The following DGKH variants were observed in gnomAD, a reference collection of about 807,000 sequenced individuals.
DGKH encodes DAG kinase eta.
Under a neutral mutation model 159.3 loss-of-function variants are expected in DGKH, and 90 were observed. That is an observed-to-expected ratio of 0.57 (90% CI 0.48 to 0.67). The LOEUF (loss-of-function observed/expected upper bound fraction) is 0.67. Among genes scored for constraint, DGKH ranks in the 30% least tolerant of loss-of-function variants. DGKH has a pLI of 0.00. For missense variants in DGKH, 1,181 were observed against 1,506.1 expected, an observed-to-expected ratio of 0.78 and a Z score of 3.57; for synonymous variants, 536 against 553.8, an observed-to-expected ratio of 0.97 and a Z score of 0.45.
intron 5 of DGKH, among the ~76,000 whole-genome samples, chr13:42,158,633 C>T (rs1256994553): frequency 6.6e-6 from 1 of 152,050 alleles, no homozygotes; most frequent in African/African-American, 2.4e-5. Flanking sequence ...CTTCATCATC[C>T]CTTCTTTCTA....
At chr13:42,040,469 T>G (rs1880415681) in intron 1 of DGKH, among the ~76,000 whole-genome samples, 1 of 149,310 alleles carries the variant, frequency 6.7e-6, no homozygotes. Flanking sequence ...GGGGGTCACG[T>G]GTGTCCCGGG....
intron 16 of DGKH, among the ~76,000 whole-genome samples, chr13:42,192,695 C>A (rs4941419): frequency 0.13 from 19,209 of 151,634 alleles, 1,610 homozygotes; most frequent in Admixed American, 0.22. Flanking sequence ...TTTAATGATA[C>A]CAAAAACAGC....
rs779247264 is a variant in DGKH, at chr13:42,198,446, G to A, written c.2168-32G>A. On this transcript the variant is annotated intron_variant, in intron 17 of 29. Coordinates refer to ENST00000337343, the MANE Select transcript of DGKH (RefSeq NM_178009.5). ...TTCTTTCTGTGTTTTTTCTTAACATGCGATCCCATATGTGTTTGCTTTTCT... is the reference window on the plus strand; with the variant it reads ...TTCTTTCTGTGTTTTTTCTTAACATACGATCCCATATGTGTTTGCTTTTCT... The A allele has an allele frequency of 5.7e-6, 9 of 1,578,532 alleles. No individual in the cohort carries two copies. In the Admixed American group the frequency reaches 6.9e-5, roughly 12 times the overall value.
intron 1 of DGKH, among the ~76,000 whole-genome samples, chr13:42,106,597 T>C (rs1209899437): frequency 6.6e-6 from 1 of 152,172 alleles, no homozygotes; most frequent in Non-Finnish European, 1.5e-5. Flanking sequence ...GATGAAGAAA[T>C]AAAGTAATTT....
At chr13:42,070,391 C>CTTT in intron 1 of DGKH, 2 of 1,413,010 alleles carry the variant, frequency 1.4e-6, no homozygotes. Flanking sequence ...TCATGTGCAC[C>CTTT]TGCAAAAAGG....
intron 23 of DGKH, among the ~76,000 whole-genome samples, chr13:42,209,889 T>C (rs1158281903): frequency 6.6e-6 from 1 of 152,080 alleles, no homozygotes; most frequent in Non-Finnish European, 1.5e-5. Context: ...ATCACTTGTA[T>C]CCACCACTGC....
intron 1 of DGKH, among the ~76,000 whole-genome samples, chr13:42,098,326 A>G (rs930101918): frequency 3.9e-5 from 6 of 152,150 alleles, no homozygotes; most frequent in African/African-American, 1.2e-4. Flanking sequence ...GTCTCTACTA[A>G]AAATACAAAA....
intron 1 of DGKH, among the ~76,000 whole-genome samples, chr13:42,042,787 AAAT>A (rs1207098164): frequency 6.6e-6 from 1 of 152,212 alleles, no homozygotes; most frequent in African/African-American, 2.4e-5. Context: ...ATGTGGCATA[AAAT>A]AATACTTTTT....
chr13:42,252,874 A>G (rs1404325964), intron 30 of DGKH, among the ~76,000 whole-genome samples: 1 of 151,924 alleles, frequency 6.6e-6, no homozygotes, highest in African/African-American at 2.4e-5. Flanking sequence ...CAGCCTCCCA[A>G]GGAGCTAGGA....
Position 42,238,208 on chromosome 13 carries a change from A to G in DGKH, c.*9020A>G, listed in dbSNP as rs1958455820. On this transcript the variant is annotated 3_prime_UTR_variant, in exon 30 of 30. Transcript: ENST00000337343. ...ATTTTACAATTTCTTTCCCACGGTC[A>G]TTTTGGATATAAAGATAGACTTCCC... 1 of 152,208 alleles carries G rather than the reference A, an allele frequency of 6.6e-6. No individual in the cohort carries two copies. Among genetic ancestry groups the G allele is most frequent in the Non-Finnish European group, 1.5e-5 (1 of 68,028 alleles). The allele number at this position is 152,208 out of a possible 1,614,324, so 9.4% of individuals were successfully genotyped here. A position where few individuals can be genotyped will look rare whatever the true frequency, so the allele number is the denominator to read the frequency against.
chr13:42,103,924 G>A (rs1321351698), intron 1 of DGKH, among the ~76,000 whole-genome samples: 3 of 152,098 alleles, frequency 2.0e-5, no homozygotes, highest in African/African-American at 7.2e-5. Context: ...TCAAAAATGA[G>A]TGATTACGGA....
Position 42,191,566 on chromosome 13 carries a change from C to T in DGKH, c.2035+1041C>T, listed in dbSNP as rs144898408. On this transcript the variant is annotated intron_variant, in intron 16 of 29. Transcript: ENST00000337343. ...AAAAACCAAATTTTTGGAGAGCTGA[C>T]CATATCAGATTAACATTTTCTGCTT... is the stretch of plus-strand genomic sequence containing the variant. Among the ~76,000 whole-genome samples the T allele has an allele frequency of 1.4e-3, 210 of 152,164 alleles. 1 individual carries two copies. Among genetic ancestry groups the T allele is most frequent in the Non-Finnish European group, 2.6e-3 (178 of 68,006 alleles).
At chr13:42,191,198 G>A (rs12854774) in intron 16 of DGKH, among the ~76,000 whole-genome samples, 3 of 151,990 alleles carry the variant, frequency 2.0e-5, no homozygotes, top group Non-Finnish European at 2.9e-5. Flanking sequence ...AGTTTCTAAC[G>A]TACTGGAATA....
intron 7 of DGKH, among the ~76,000 whole-genome samples, chr13:42,162,737 G>A (rs1358871733): frequency 1.3e-5 from 2 of 152,102 alleles, no homozygotes; most frequent in Non-Finnish European, 2.9e-5. Flanking sequence ...CCTGGAGGTG[G>A]AGGTTGCAGT....
intron 2 of DGKH, 107 bp downstream of exon 2, chr13:42,127,680 C>T: frequency 1.3e-6 from 1 of 772,956 alleles, no homozygotes; most frequent in Non-Finnish European, 2.2e-6. Context: ...GCATTATGCT[C>T]TTATATGAAT....
intron 1 of DGKH, chr13:42,069,577 G>A (rs564739786): frequency 1.5e-5 from 23 of 1,575,572 alleles, no homozygotes; most frequent in African/African-American, 1.4e-4. Context: ...TTCCTCTAGC[G>A]CTATCTGGGC....
At chr13:42,087,045 ACACAC>A (rs1954318374) in intron 1 of DGKH, among the ~76,000 whole-genome samples, 1 of 1,584 alleles carries the variant, frequency 6.3e-4, no homozygotes, top group Non-Finnish European at 3.8e-3. Flanking sequence ...CAGAAGGAAA[ACACAC>A]ACACACACAC....
At chr13:42,065,290 C>G (rs1267703477) in intron 1 of DGKH, among the ~76,000 whole-genome samples, 1 of 152,122 alleles carries the variant, frequency 6.6e-6, no homozygotes, top group Middle Eastern at 3.2e-3. Flanking sequence ...GTAGACAGAG[C>G]TTTTTATCAT....
rs1197352292 is a variant in DGKH, at chr13:42,140,153, A to G, written c.384+10521A>G. On this transcript the variant is annotated intron_variant, in intron 3 of 29. Coordinates refer to ENST00000337343, the MANE Select transcript of DGKH (RefSeq NM_178009.5). ...GTAGAACTTTTTATCCCTGAGTCTG[A>G]ATATCCATGTTTTATGAAGCTGATT... 2.5e-4 allele frequency among the ~76,000 whole-genome samples: 38 copies of G among 151,970 alleles called. 1 individual carries two copies. Among genetic ancestry groups the G allele is most frequent in the Admixed American group, 2.5e-3 (38 of 15,256 alleles).
Sources: gnomAD v4.1 joint callset for allele counts (sites outside exome capture counted in the v4.1 genomes callset) on GRCh38, gnomAD v4.1.1 for gene constraint, MANE v1.5 for transcripts, NCBI Gene and HGNC (gene_info 2026-07-23, HGNC 2026-07-21) for gene names.